SIPA1L3: variants seen among roughly 807,000 people sequenced by gnomAD.
The protein encoded by SIPA1L3 is signal-induced proliferation-associated 1-like protein 3.
A neutral mutation model predicts 150.1 loss-of-function variants in SIPA1L3; 59 were observed. The observed-to-expected ratio is 0.39, with a 90% CI of 0.32 to 0.49. The LOEUF is 0.49. Among genes scored for constraint, SIPA1L3 ranks in the 20% least tolerant of loss-of-function variants. The pLI, the probability that SIPA1L3 is intolerant of heterozygous loss-of-function variation, is 0.86. For missense variants in SIPA1L3, 2,211 were observed against 2,489.5 expected, an observed-to-expected ratio of 0.89 and a Z score of 2.38; for synonymous variants, 1,070 against 1,077.6, an observed-to-expected ratio of 0.99 and a Z score of 0.14.
At chr19:37,945,542 T>C (rs1371063956) in intron 1 of SIPA1L3, among the ~76,000 whole-genome samples, 1 of 151,512 alleles carries the variant, frequency 6.6e-6, no homozygotes, top group East Asian at 1.9e-4. Context: ...CAGCCAGCTA[T>C]TTTTTTTTAT....
chr19:38,197,973 C>T (rs550243208), intron 18 of SIPA1L3, among the ~76,000 whole-genome samples: 1 of 152,144 alleles, frequency 6.6e-6, no homozygotes, highest in East Asian at 1.9e-4. Context: ...CCACAGGCCC[C>T]ACACGGTCCG....
chr19:38,057,144 G>A (rs556379828), intron 2 of SIPA1L3, among the ~76,000 whole-genome samples: 6 of 152,004 alleles, frequency 3.9e-5, no homozygotes, highest in South Asian at 2.1e-4. Flanking sequence ...GGTAGTGGGC[G>A]CCTGTAATCC....
intron 16 of SIPA1L3, chr19:38,185,792 T>A (rs1972663923): frequency 6.6e-6 from 1 of 152,194 alleles, no homozygotes; most frequent in Non-Finnish European, 1.5e-5. Context: ...GGGTCTACCC[T>A]AATGACCTCA....
chr19:38,193,441 A>T (rs1600196103), intron 17 of SIPA1L3, 96 bp from the exon 18 acceptor site: 1 of 1,334,042 alleles, frequency 7.5e-7, no homozygotes, highest in Admixed American at 3.8e-5. Flanking sequence ...GTAGGTAAGG[A>T]CTCGCCACCA....
chr19:37,919,097 A>G (rs1437284055), intron 1 of SIPA1L3, among the ~76,000 whole-genome samples: 1 of 152,020 alleles, frequency 6.6e-6, no homozygotes, highest in African/African-American at 2.4e-5. Context: ...GGGAAGGGAC[A>G]TCACAGTGGT....
chr19:38,089,338 A>G (rs938280222), intron 4 of SIPA1L3, among the ~76,000 whole-genome samples: 22 of 151,830 alleles, frequency 1.4e-4, no homozygotes, highest in African/African-American at 4.8e-4. Context: ...CAAAAAAAAA[A>G]AAAAAAAAAG....
At position 38,082,539 on chromosome 19, in the gene SIPA1L3, G is replaced by A. The variant is rs926683745; in HGVS notation, c.974G>A (p.Arg325Gln). The A allele has an allele frequency of 4.4e-6, 7 of 1,600,000 alleles. No homozygotes were observed. Among genetic ancestry groups the A allele is most frequent in the Middle Eastern group, 1.6e-4 (1 of 6,068 alleles). Residue 325 changes from arginine (R) to glutamine (Q), a missense_variant, in exon 3 of 22, where the codon CGG becomes CAG. Arg to Gln is a conservative substitution (Grantham distance 43, BLOSUM62 1). Coordinates refer to ENST00000222345, the MANE Select transcript of SIPA1L3 (RefSeq NM_015073.3). ...TCCCCGGGGGAGGCCGACGAGGGCC[G>A]GAGCCCCCCGGAAGCCAGCAGGCCG... is the stretch of plus-strand genomic sequence containing the variant. ...GRSPGEADEG[R>Q]SPPEASRPWV...
intron 2 of SIPA1L3, among the ~76,000 whole-genome samples, chr19:38,068,283 C>T (rs1183680511): frequency 6.6e-6 from 1 of 152,160 alleles, no homozygotes; most frequent in Non-Finnish European, 1.5e-5. Flanking sequence ...CCCGCCTCGG[C>T]CTCCCAAAGT....
In SIPA1L3 at chr19:38,125,443, T is replaced by C. The variant is rs111790781; in HGVS notation, c.2869-5055T>C. Reference sequence around the variant, plus strand: ...AGGCACCATGCCAGGTGACATGTTTTACCCACATCCTCACTGTGCCACTCT... The same window carrying C: ...AGGCACCATGCCAGGTGACATGTTTCACCCACATCCTCACTGTGCCACTCT... On this transcript the variant is annotated intron_variant, in intron 9 of 21. Coordinates refer to ENST00000222345, the MANE Select transcript of SIPA1L3 (RefSeq NM_015073.3). Among the ~76,000 whole-genome samples, 295 of 152,294 alleles carry C rather than the reference T, an allele frequency of 1.9e-3. 3 individuals carry two copies. The highest frequency in any genetic ancestry group is 6.9e-3 in the African/African-American group (286 of 41,562).
intron 2 of SIPA1L3, among the ~76,000 whole-genome samples, chr19:38,072,740 T>C (rs1027896934): frequency 1.3e-5 from 2 of 152,344 alleles, no homozygotes; most frequent in Non-Finnish European, 2.9e-5. Flanking sequence ...CAAAGGGAAG[T>C]CGGGACTGTT....
chr19:37,910,852 T>C (rs1480044683), intron 1 of SIPA1L3, among the ~76,000 whole-genome samples: 1 of 152,208 alleles, frequency 6.6e-6, no homozygotes, highest in Non-Finnish European at 1.5e-5. Context: ...CACCTTGGCC[T>C]CCCAAAGTGT....
At chr19:38,129,213 G>GGGAAT (rs1048409480) in intron 9 of SIPA1L3, among the ~76,000 whole-genome samples, 4 of 152,138 alleles carry the variant, frequency 2.6e-5, no homozygotes, top group Non-Finnish European at 5.9e-5. Flanking sequence ...CATTATCCAG[G>GGGAAT]GGAATATCTC....
At chr19:38,100,904 C>T in intron 5 of SIPA1L3, 148 bp from the exon 6 acceptor site, 4 of 845,902 alleles carry the variant, frequency 4.7e-6, no homozygotes, top group Non-Finnish European at 4.9e-6. Context: ...CATGCCCCAA[C>T]ACTGTTTTCC....
chr19:38,145,801 C>T (rs1482944991), intron 12 of SIPA1L3, among the ~76,000 whole-genome samples: 3 of 151,958 alleles, frequency 2.0e-5, no homozygotes, highest in African/African-American at 7.3e-5. Flanking sequence ...TTTATAGCCA[C>T]ACCCATCTCT....
chr19:38,068,934 C>T (rs1321752221), intron 2 of SIPA1L3, among the ~76,000 whole-genome samples: 1 of 152,176 alleles, frequency 6.6e-6, no homozygotes. Flanking sequence ...AGTTAACACA[C>T]GCCAGTGTGT....
At chr19:38,195,647 G>A (rs1014257839) in intron 18 of SIPA1L3, among the ~76,000 whole-genome samples, 1 of 152,154 alleles carries the variant, frequency 6.6e-6, no homozygotes, top group African/African-American at 2.4e-5. Context: ...GGTGGTGACA[G>A]AGAACACAGG....
chr19:37,940,097 T>C (rs551689338), intron 1 of SIPA1L3, among the ~76,000 whole-genome samples: 11 of 152,098 alleles, frequency 7.2e-5, no homozygotes, highest in Non-Finnish European at 1.5e-4. Flanking sequence ...AGTTACTTAG[T>C]GCGTCAGAGA....
intron 2 of SIPA1L3, among the ~76,000 whole-genome samples, chr19:38,034,099 C>G (rs1229169647): frequency 1.3e-5 from 2 of 151,666 alleles, no homozygotes; most frequent in Non-Finnish European, 2.9e-5. Context: ...ATGGACACAT[C>G]GCTCCTGCTG....
chr19:38,026,652 C>T (rs534641618), intron 1 of SIPA1L3, among the ~76,000 whole-genome samples: 1 of 152,164 alleles, frequency 6.6e-6, no homozygotes, highest in Non-Finnish European at 1.5e-5. Context: ...TGTTCTTTTC[C>T]CTTGGAAGCT....
Sources: gnomAD v4.1 joint callset for allele counts (sites outside exome capture counted in the v4.1 genomes callset) on GRCh38, gnomAD v4.1.1 for gene constraint, MANE v1.5 for transcripts, NCBI Gene and HGNC (gene_info 2026-07-23, HGNC 2026-07-21) for gene names.